GTF2I: variants seen among roughly 807,000 people sequenced by gnomAD.
GTF2I encodes the protein general transcription factor II-I.
GTF2I carries 12 observed loss-of-function variants against 67.6 expected under a neutral mutation model. The observed-to-expected ratio is 0.18, with a 90% CI of 0.11 to 0.29. The LOEUF (loss-of-function observed/expected upper bound fraction) is 0.29. GTF2I is among the 10% of genes least tolerant of loss of function. GTF2I has a pLI of 1.00. For synonymous variants in GTF2I, 149 were observed against 197.0 expected (o/e 0.76, Z 2.04); for missense variants, 271 against 580.1 (o/e 0.47, Z 5.47).
At chr7:74,731,348 A>G (rs1288878365) in intron 14 of GTF2I, among the ~76,000 whole-genome samples, 2 of 143,134 alleles carry the variant, frequency 1.4e-5, no homozygotes, top group Non-Finnish European at 3.0e-5. Context: ...TGTGTTAACA[A>G]ACTTAAAATG....
At chr7:74,703,289 T>G (rs1451440627) in intron 6 of GTF2I, among the ~76,000 whole-genome samples, 1 of 152,222 alleles carries the variant, frequency 6.6e-6, no homozygotes, top group South Asian at 2.1e-4. Flanking sequence ...ATTATCCTTA[T>G]TGTATAACTT....
chr7:74,719,449 A>G (rs1324947422), intron 12 of GTF2I, among the ~76,000 whole-genome samples: 1 of 152,218 alleles, frequency 6.6e-6, no homozygotes, highest in Non-Finnish European at 1.5e-5. Context: ...CTACAAATAT[A>G]TTCTACAATA....
chr7:74,710,306 T>G (rs181801059), intron 8 of GTF2I, among the ~76,000 whole-genome samples: 1 of 152,292 alleles, frequency 6.6e-6, no homozygotes, highest in East Asian at 1.9e-4. Flanking sequence ...AATGTGTATG[T>G]GCACCCATGC....
Position 74,698,961 on chromosome 7 carries a change from GTGT to G in GTF2I, c.242_244del (p.Val81del). ...ATTTTATTTTTTATTTTTTTTACAG[GTGT>G]TGAAGAAGAAGAAAAAGCTGCAGAG... On this transcript the variant is annotated inframe_deletion and splice_region_variant, in exon 4 of 35. Coordinates refer to ENST00000573035, the MANE Select transcript of GTF2I (RefSeq NM_032999.4). The G allele has an allele frequency of 7.6e-7, 1 of 1,318,788 alleles. No individual in the cohort carries two copies. The highest frequency in any genetic ancestry group is 1.0e-6 in the Non-Finnish European group (1 of 995,510). 81.7% of individuals were successfully genotyped at this position (1,318,788 alleles called of 1,614,324 possible). A position where few individuals can be genotyped will look rare whatever the true frequency, so the allele number is the denominator to read the frequency against.
chr7:74,723,838 A>G (rs1793423301), intron 12 of GTF2I, among the ~76,000 whole-genome samples: 1 of 151,394 alleles, frequency 6.6e-6, no homozygotes, highest in Admixed American at 6.6e-5. Flanking sequence ...CGTGGTGACT[A>G]TGTTGAGAAA....
chr7:74,709,134 A>G (rs1383977658), intron 8 of GTF2I, among the ~76,000 whole-genome samples: 1 of 152,258 alleles, frequency 6.6e-6, no homozygotes, highest in Non-Finnish European at 1.5e-5. Context: ...ATATGCAAGC[A>G]TATAATCTTC....
At chr7:74,676,543 T>C (rs1372403564) in intron 1 of GTF2I, among the ~76,000 whole-genome samples, 2 of 151,978 alleles carry the variant, frequency 1.3e-5, no homozygotes, top group Non-Finnish European at 2.9e-5. Context: ...AATGGTAGTA[T>C]CTTGAAAAAA....
At chr7:74,685,650 C>T (rs1787647287) in intron 1 of GTF2I, among the ~76,000 whole-genome samples, 1 of 151,274 alleles carries the variant, frequency 6.6e-6, no homozygotes, top group Non-Finnish European at 1.5e-5. Context: ...ACCTGTAGTC[C>T]CAGGTACTCG....
intron 9 of GTF2I, among the ~76,000 whole-genome samples, chr7:74,712,520 G>A (rs1391569860): frequency 1.4e-5 from 2 of 146,596 alleles, no homozygotes; most frequent in Non-Finnish European, 3.1e-5. Context: ...GTGTGTGTGT[G>A]TGTGTGTGTG....
chr7:74,684,537 T>G (rs1173226804), intron 1 of GTF2I: 2 of 152,148 alleles, frequency 1.3e-5, no homozygotes, highest in African/African-American at 2.4e-5. Flanking sequence ...AAGAGAGCCG[T>G]CCCCAAGTGA....
chr7:74,664,231 T>G (rs1002058364), intron 1 of GTF2I, among the ~76,000 whole-genome samples: 2 of 152,186 alleles, frequency 1.3e-5, no homozygotes, highest in African/African-American at 4.8e-5. Context: ...TGTTGTCCTT[T>G]TGTTCTGGAA....
chr7:74,696,503 T>A (rs1788926767), intron 3 of GTF2I, among the ~76,000 whole-genome samples: 1 of 151,740 alleles, frequency 6.6e-6, no homozygotes, highest in Admixed American at 6.6e-5. Flanking sequence ...ATTTTTTTTT[T>A]TTTTTTCGAG....
At chr7:74,749,852 C>A (rs1449334322) in intron 26 of GTF2I, among the ~76,000 whole-genome samples, 1 of 132,044 alleles carries the variant, frequency 7.6e-6, no homozygotes, top group African/African-American at 2.7e-5. Context: ...CGTGCCACTG[C>A]ACTCCAGCCT....
At chr7:74,664,412 TTCTCC>T (rs1804790184) in intron 1 of GTF2I, among the ~76,000 whole-genome samples, 1 of 152,170 alleles carries the variant, frequency 6.6e-6, no homozygotes, top group African/African-American at 2.4e-5. Context: ...GATTGACTCA[TTCTCC>T]TTTGGTTGTA....
chr7:74,700,682 C>G lies in GTF2I; in HGVS notation c.586+48C>G, dbSNP rs1554399661. 1.9e-6 allele frequency: 3 copies of G among 1,561,628 alleles called. No individual in the cohort carries two copies. In the African/African-American group the frequency reaches 4.1e-5, roughly 21 times the overall value. ...TGATAGCTGGCTGGCCTCCGTTTTG[C>G]TAGATTTTCATACACTTTAATGGTT... On this transcript the variant is annotated intron_variant, in intron 6 of 34. Coordinates refer to ENST00000573035, the MANE Select transcript of GTF2I (RefSeq NM_032999.4).
At chr7:74,719,018 A>T (rs1554404098) in intron 12 of GTF2I, 77 bp downstream of exon 12, 1 of 734,562 alleles carries the variant, frequency 1.4e-6, no homozygotes, top group Non-Finnish European at 2.3e-6. Context: ...ATTGCTAAAT[A>T]TGCATTTCAT....
At position 74,716,914 on chromosome 7, in the gene GTF2I, G is replaced by A. The variant is rs1792335193; in HGVS notation, c.844G>A (p.Gly282Ser). The change falls in exon 11 of 35, where the codon GGC (glycine) becomes AGC (serine). Residue 282 changes from glycine to serine, a missense_variant. By Grantham distance (56) the Gly-to-Ser change is moderately conservative. Transcript: ENST00000573035. The part of the protein sequence containing the change: ...PLQGSHHSSE[G>S]NEGTEMEVPA... ...TTTAGGAAGCCACCATTCTTCAGAG[G>A]GCAATGAAGGCACAGAAATGGAAGT... 3 of 1,606,636 alleles carry A rather than the reference G, an allele frequency of 1.9e-6. No homozygotes were observed. Among genetic ancestry groups the A allele is most frequent in the Admixed American group, 3.3e-5 (2 of 59,940 alleles).
intron 8 of GTF2I, among the ~76,000 whole-genome samples, chr7:74,708,923 C>T (rs1791141819): frequency 6.6e-6 from 1 of 152,190 alleles, no homozygotes; most frequent in Non-Finnish European, 1.5e-5. Flanking sequence ...TTACTCTCTC[C>T]TCAAAATGGG....
At chr7:74,731,902 A>G (rs1284680006) in intron 14 of GTF2I, among the ~76,000 whole-genome samples, 1 of 151,766 alleles carries the variant, frequency 6.6e-6, no homozygotes, top group African/African-American at 2.4e-5. Context: ...GCTACCTGGA[A>G]GCACTGTAAC....
Sources: gnomAD v4.1 joint callset for allele counts (sites outside exome capture counted in the v4.1 genomes callset) on GRCh38, gnomAD v4.1.1 for gene constraint, MANE v1.5 for transcripts, NCBI Gene and HGNC (gene_info 2026-07-23, HGNC 2026-07-21) for gene names.